Variants in WIPI2 observed in about 807,000 individuals in gnomAD.
The protein encoded by WIPI2 is WD repeat domain, phosphoinositide interacting 2, also known as WD repeat domain phosphoinositide-interacting protein 2.
A neutral mutation model predicts 52.3 loss-of-function variants in WIPI2; 28 were observed. The ratio of observed to expected loss-of-function variants is 0.54; its 90% CI spans 0.40 to 0.73. WIPI2 has a LOEUF of 0.73. WIPI2 is among the 30% of genes least tolerant of loss of function. The pLI, the probability that WIPI2 is intolerant of heterozygous loss-of-function variation, is 0.00. For missense variants in WIPI2, 506 were observed against 602.9 expected (o/e 0.84, Z 1.68); for synonymous variants, 268 against 245.0 (o/e 1.09, Z -0.88).
chr7:5,224,202 CTT>C (rs1176128449), intron 8 of WIPI2, among the ~76,000 whole-genome samples: 2 of 152,240 alleles, frequency 1.3e-5, no homozygotes, highest in Non-Finnish European at 2.9e-5. Flanking sequence ...GAGCCGATCT[CTT>C]TTATCCACCA....
rs1294198224 is a variant in WIPI2 at position 5,217,119 on chromosome 7, A to G, written c.508A>G (p.Asn170Asp). The G allele has an allele frequency of 9.3e-6, 15 of 1,613,632 alleles. No homozygotes were observed. Among genetic ancestry groups the G allele is most frequent in the Non-Finnish European group, 1.3e-5 (15 of 1,179,666 alleles). The change falls in exon 6 of 13, where the codon AAC (asparagine) becomes GAC (aspartate). Residue 170 changes from asparagine (N) to aspartate (D), a missense_variant. Physicochemically the swap from Asn to Asp is conservative, Grantham distance 23. Transcript: ENST00000288828. ...GTGTGCGCTGTCAATCAACAACGAC[A>G]ACTGCTACTTGGCGTACCCAGGGAG... ...GLCALSINNDNCYLAYPGSAT... is the reference protein window; with the variant it reads ...GLCALSINNDDCYLAYPGSAT...
Position 5,227,256 on chromosome 7 carries a change from C to G in WIPI2, c.925C>G (p.Gln309Glu). Residue 309 changes from glutamine to glutamate, a missense_variant, in exon 10 of 13, where the codon CAA becomes GAA. Physicochemically the swap from Gln to Glu is conservative, Grantham distance 29. Transcript: ENST00000288828. This position sits in a 1 kb window ranked among gnomAD's most constrained non-coding sequence, Gnocchi z 8.1. Reference protein sequence around the residue: ...LMASTSYLPSQVTEMFNQGRA... With the variant: ...LMASTSYLPSEVTEMFNQGRA... ...GGCCTCCACCAGCTACCTGCCTTCC[C>G]AAGTGACAGAAATGTTCAACCAGGG... The G allele has an allele frequency of 6.2e-7, 1 of 1,613,954 alleles. No individual in the cohort carries two copies. Among genetic ancestry groups the G allele is most frequent in the Non-Finnish European group, 8.5e-7 (1 of 1,180,036 alleles).
intron 7 of WIPI2, 36 bp from the exon 8 acceptor site, chr7:5,222,561 TAACTC>T: frequency 6.3e-7 from 1 of 1,593,024 alleles, no homozygotes; most frequent in Middle Eastern, 1.7e-4. Context: ...ATTCCTGTTT[TAACTC>T]AGCTCAAATT....
Position 5,233,084 on chromosome 7 carries a change from G to A in WIPI2, c.*2137G>A, listed in dbSNP as rs958951952. 6.6e-6 allele frequency: 1 copy of A among 152,322 alleles called. No homozygotes were observed. Among genetic ancestry groups the A allele is most frequent in the Admixed American group, 6.5e-5 (1 of 15,286 alleles). 9.4% of individuals were successfully genotyped at this position (152,322 alleles called of 1,614,324 possible). ...CTAGGTGCGTTCCCTGCAGACCACG[G>A]GAAGCCCTGTGCTTGCCTGGGTCAG... is the stretch of plus-strand genomic sequence containing the variant. On this transcript the variant is annotated 3_prime_UTR_variant, in exon 13 of 13. Coordinates refer to ENST00000288828, the MANE Select transcript of WIPI2 (RefSeq NM_015610.4).
chr7:5,191,468 G>T (rs1781482198), intron 1 of WIPI2, among the ~76,000 whole-genome samples: 1 of 152,212 alleles, frequency 6.6e-6, no homozygotes. Context: ...CAGAGCTCCA[G>T]CGGGTGGGTC....
At chr7:5,193,028 A>G (rs1308701302) in intron 1 of WIPI2, 90 bp from the exon 2 acceptor site, 17 of 1,266,942 alleles carry the variant, frequency 1.3e-5, no homozygotes, top group Non-Finnish European at 1.5e-5. Flanking sequence ...CCAATGTCGT[A>G]CTTTTTCATG....
At position 5,232,066 on chromosome 7, in the gene WIPI2, C is replaced by T. The variant is rs1327314139; in HGVS notation, c.*1119C>T. On this transcript the variant is annotated 3_prime_UTR_variant, in exon 13 of 13. Coordinates refer to ENST00000288828, the MANE Select transcript of WIPI2 (RefSeq NM_015610.4). ...CATATTTACAGAATTAAAACAACCT[C>T]AAGTACCTCAGACTCTGCATTCCAA... The T allele has an allele frequency of 2.8e-5, 11 of 398,148 alleles. No homozygotes were observed. Among genetic ancestry groups the T allele is most frequent in the Non-Finnish European group, 1.3e-5 (3 of 226,038 alleles). The allele number at this position is 398,148 out of a possible 1,614,324, so 24.7% of individuals were successfully genotyped here.
chr7:5,216,015 G>A (rs1049455993), intron 4 of WIPI2, among the ~76,000 whole-genome samples: 5 of 152,184 alleles, frequency 3.3e-5, no homozygotes, highest in Non-Finnish European at 7.3e-5. Flanking sequence ...CTGTAGGTTA[G>A]CATTTGCCTA....
At position 5,227,488 on chromosome 7, in the gene WIPI2, G is replaced by A; in HGVS notation, c.1013+144G>A. 8.4e-7 allele frequency: 1 copy of A among 1,190,094 alleles called. No homozygotes were observed. The highest frequency in any genetic ancestry group is 1.1e-6 in the Non-Finnish European group (1 of 870,672). 73.7% of individuals were successfully genotyped at this position (1,190,094 alleles called of 1,614,324 possible). ...CTCCATCGAGAGTTGTCGGGGATGG[G>A]AGGTCCCCTGGCAGGCACTAGGCTT... is the stretch of plus-strand genomic sequence containing the variant. On this transcript the variant is annotated intron_variant, in intron 10 of 12. Coordinates refer to ENST00000288828, the MANE Select transcript of WIPI2 (RefSeq NM_015610.4). This position sits in a 1 kb window ranked among gnomAD's most constrained non-coding sequence, Gnocchi z 8.1.
intron 2 of WIPI2, among the ~76,000 whole-genome samples, chr7:5,196,611 C>A (rs1781754419): frequency 6.6e-6 from 1 of 151,764 alleles, no homozygotes; most frequent in Non-Finnish European, 1.5e-5. Flanking sequence ...ATGTCTAACC[C>A]AAGGATCAGG....
rs1781573218 is a variant in WIPI2, at chr7:5,193,396, AAT to A, written c.128+226_128+227del. ...TAAATGCCATGTCTAAAAGGGATGG[AAT>A]GAAGAAAGGGACTTGACTTTCCAAG... On this transcript the variant is annotated intron_variant, in intron 2 of 12. Transcript: ENST00000288828. 3.1e-6 allele frequency: 4 copies of A among 1,277,540 alleles called. No individual in the cohort carries two copies. In the Admixed American group the frequency reaches 1.0e-4, roughly 32 times the overall value. The allele number at this position is 1,277,540 out of a possible 1,614,324, so 79.1% of individuals were successfully genotyped here.
intron 2 of WIPI2, 31 bp from the exon 3 acceptor site, chr7:5,199,545 G>C: frequency 1.3e-6 from 2 of 1,589,098 alleles, no homozygotes; most frequent in South Asian, 1.1e-5. Flanking sequence ...GCACGTATCA[G>C]CTCTTATTTC....
rs13244634 is a variant in WIPI2, at chr7:5,233,833, C to T, written c.*2886C>T. On this transcript the variant is annotated 3_prime_UTR_variant, in exon 13 of 13. Coordinates refer to ENST00000288828, the MANE Select transcript of WIPI2 (RefSeq NM_015610.4). ...CGCTACAACATAAATGTGTCTTCTG[C>T]AATTAAACACGATTTTTATTCAGTT... 33,419 of 152,138 alleles carry T rather than the reference C, an allele frequency of 0.22. 4,318 individuals are homozygous for T. The highest frequency in any genetic ancestry group is 0.39 in the Admixed American group (5,978 of 15,276). 9.4% of individuals were successfully genotyped at this position (152,138 alleles called of 1,614,324 possible). A position where few individuals can be genotyped will look rare whatever the true frequency, so the allele number is the denominator to read the frequency against.
intron 8 of WIPI2, among the ~76,000 whole-genome samples, chr7:5,225,287 C>A (rs1291748766): frequency 1.3e-5 from 2 of 151,984 alleles, no homozygotes; most frequent in Admixed American, 6.6e-5. Flanking sequence ...ACTACAGGCA[C>A]CCGCCACCAC....
rs1036748544 is a variant in WIPI2 at position 5,232,224 on chromosome 7, T to A, written c.*1277T>A. 2 of 398,576 alleles carry A rather than the reference T, an allele frequency of 5.0e-6. No homozygotes were observed. The highest frequency in any genetic ancestry group is 4.1e-5 in the African/African-American group (2 of 48,644). The allele number at this position is 398,576 out of a possible 1,614,324, so 24.7% of individuals were successfully genotyped here. On this transcript the variant is annotated 3_prime_UTR_variant, in exon 13 of 13. Coordinates refer to ENST00000288828, the MANE Select transcript of WIPI2 (RefSeq NM_015610.4). ...AAGGCAAAAACTATTTACCCTGCCT[T>A]TGCAGGCTGGGGTTTTTGAACCGAG...
chr7:5,199,114 C>G (rs1781901420), intron 2 of WIPI2, among the ~76,000 whole-genome samples: 2 of 152,300 alleles, frequency 1.3e-5, no homozygotes, highest in South Asian at 4.1e-4. Flanking sequence ...GCCTCAACCT[C>G]CTGTCCTGGG....
At chr7:5,201,233 T>C (rs775729886) in intron 3 of WIPI2, among the ~76,000 whole-genome samples, 1 of 152,260 alleles carries the variant, frequency 6.6e-6, no homozygotes, top group Non-Finnish European at 1.5e-5. Flanking sequence ...AGCGCCTGAA[T>C]TGTGCTGTTA....
intron 3 of WIPI2, among the ~76,000 whole-genome samples, chr7:5,202,457 C>G (rs1004756463): frequency 6.6e-6 from 1 of 152,172 alleles, no homozygotes; most frequent in African/African-American, 2.4e-5. Context: ...AATCATAGCT[C>G]ACTGTACCCT....
chr7:5,229,717 C>G lies in WIPI2; in HGVS notation c.1231C>G (p.Pro411Ala). The G allele has an allele frequency of 1.9e-6, 3 of 1,613,966 alleles. No homozygotes were observed. The highest frequency in any genetic ancestry group is 2.5e-6 in the Non-Finnish European group (3 of 1,179,918). Reference protein sequence around the residue: ...GAAAGKGTYVPSSPTRLAYTD... With the variant: ...GAAAGKGTYVASSPTRLAYTD... ...AGCTGCAGGAAAAGGTACTTACGTG[C>G]CTTCATCCCCAACGAGACTTGGTAA... is the stretch of plus-strand genomic sequence containing the variant. Residue 411 changes from proline (P) to alanine (A), a missense_variant, in exon 12 of 13, where the codon CCT (proline) becomes GCT (alanine). Coordinates refer to ENST00000288828, the MANE Select transcript of WIPI2 (RefSeq NM_015610.4).
Sources: gnomAD v4.1 joint callset for allele counts (sites outside exome capture counted in the v4.1 genomes callset) on GRCh38, gnomAD v4.1.1 for gene constraint, Gnocchi (gnomAD v3.1) non-coding constraint, MANE v1.5 for transcripts, NCBI Gene and HGNC (gene_info 2026-07-23, HGNC 2026-07-21) for gene names.